PCDHGA9: variants seen among roughly 807,000 people sequenced by gnomAD.
PCDHGA9 encodes the protein protocadherin gamma subfamily A, 9, also known as protocadherin gamma-A9.
Under a neutral mutation model 62.5 loss-of-function variants are expected in PCDHGA9, and 37 were observed. The ratio of observed to expected loss-of-function variants is 0.59; its 90% CI spans 0.46 to 0.78. PCDHGA9 has a LOEUF of 0.78. PCDHGA9 is among the 30% of genes least tolerant of loss of function. The pLI is 0.00. For synonymous variants in PCDHGA9, 459 were observed against 484.6 expected (o/e 0.95, Z 0.69); for missense variants, 1,138 against 1,166.2 (o/e 0.98, Z 0.35).
chr5:141,405,091 C>G lies in PCDHGA9; in HGVS notation c.2139C>G (p.Ala713=), dbSNP rs761186505. ...TCACCTTCGTTATCACGCTGCTGGC[C>G]CTCAGGCTGAGGCACTGGCACTCCT... ...VFLTFVITLL[A]LRLRHWHSSH... Residue 713 remains alanine (A), a synonymous_variant, in exon 1 of 4, where the codon GCC becomes GCG. Transcript: ENST00000573521. 13 of 1,613,814 alleles carry G rather than the reference C, an allele frequency of 8.1e-6. No individual in the cohort carries two copies. The highest frequency in any genetic ancestry group is 1.1e-5 in the Non-Finnish European group (13 of 1,179,826).
rs1285420674 is a variant in PCDHGA9 at position 141,409,726 on chromosome 5, C to G, written c.2424+4350C>G. The G allele has an allele frequency of 1.9e-6, 3 of 1,612,982 alleles. No homozygotes were observed. The Admixed American group carries it at 5.0e-5, about 27-fold the overall frequency. On this transcript the variant is annotated intron_variant, in intron 1 of 3. Transcript: ENST00000573521. ...CGGTGTCGTCATACGTGTCAGTGAG[C>G]GCGCAGAGCGGGGTGGTGTTCGCGC...
At chr5:141,510,910 A>T (rs780792326) in intron 3 of PCDHGA9, 37 bp from the exon 4 acceptor site, 1 of 1,613,740 alleles carries the variant, frequency 6.2e-7, no homozygotes, top group East Asian at 2.2e-5. Flanking sequence ...GAGGACCCTA[A>T]GTTTAGCTCC....
chr5:141,405,698 G>C (rs1274236930), intron 1 of PCDHGA9, among the ~76,000 whole-genome samples: 1 of 152,128 alleles, frequency 6.6e-6, no homozygotes, highest in Non-Finnish European at 1.5e-5. Flanking sequence ...GGCTGGTCTT[G>C]AATTCCTAAC....
chr5:141,476,459 C>T lies in PCDHGA9; in HGVS notation c.2425-18348C>T. On this transcript the variant is annotated intron_variant, in intron 1 of 3. Coordinates refer to ENST00000573521, the MANE Select transcript of PCDHGA9 (RefSeq NM_018921.3). The surrounding 1 kb of genome is among the most constrained non-coding windows in gnomAD (Gnocchi z 7.6). ...AACTCTGGAGTTGGTAGTGGAGAACCCGCTGGAGCTGTTCAGCGTGGAAGT... is the reference window on the plus strand; with the variant it reads ...AACTCTGGAGTTGGTAGTGGAGAACTCGCTGGAGCTGTTCAGCGTGGAAGT... 6.2e-7 allele frequency: 1 copy of T among 1,614,048 alleles called. No individual in the cohort carries two copies. Among genetic ancestry groups the T allele is most frequent in the Non-Finnish European group, 8.5e-7 (1 of 1,180,006 alleles).
chr5:141,406,662 AT>A (rs2094837131), intron 1 of PCDHGA9, among the ~76,000 whole-genome samples: 1 of 152,208 alleles, frequency 6.6e-6, no homozygotes, highest in African/African-American at 2.4e-5. Flanking sequence ...TTAATGTTAA[AT>A]TATGGAGAAT....
chr5:141,478,376 C>T, intron 1 of PCDHGA9: 4 of 1,613,672 alleles, frequency 2.5e-6, no homozygotes, highest in Non-Finnish European at 3.4e-6. Flanking sequence ...CCTGATGTCG[C>T]CGCACCTTTA....
chr5:141,418,006 C>T, intron 1 of PCDHGA9: 7 of 1,613,896 alleles, frequency 4.3e-6, no homozygotes, highest in Non-Finnish European at 5.9e-6. Flanking sequence ...TGGTGGGGAA[C>T]CTCGCTAAGG....
At chr5:141,428,754 T>C (rs932377392) in intron 1 of PCDHGA9, 7 of 154,708 alleles carry the variant, frequency 4.5e-5, no homozygotes, top group African/African-American at 1.4e-4. Context: ...TTGCTTCAGG[T>C]TTGTTTGCCC....
intron 1 of PCDHGA9, among the ~76,000 whole-genome samples, chr5:141,456,621 G>T (rs6885794): frequency 0.55 from 83,339 of 152,038 alleles, 25,195 homozygotes; most frequent in African/African-American, 0.82. Context: ...CTGTAGATTT[G>T]CCTCTTCTTT....
chr5:141,422,913 G>T, intron 1 of PCDHGA9: 1 of 1,614,248 alleles, frequency 6.2e-7, no homozygotes, highest in Non-Finnish European at 8.5e-7. Context: ...ATGCGCCCGA[G>T]ATCCTGTACC....
chr5:141,505,523 G>A, intron 3 of PCDHGA9, 42 bp downstream of exon 3: 1 of 1,612,760 alleles, frequency 6.2e-7, no homozygotes, highest in Middle Eastern at 1.7e-4. Flanking sequence ...GGGAGACCTG[G>A]GGTTCTGGGG....
intron 1 of PCDHGA9, among the ~76,000 whole-genome samples, chr5:141,451,571 A>G (rs2098719323): frequency 6.6e-6 from 1 of 152,188 alleles, no homozygotes; most frequent in Non-Finnish European, 1.5e-5. Context: ...CAATCTTTTT[A>G]TAAACCTAAT....
In PCDHGA9 at chr5:141,494,634, T is replaced by C. The variant is rs917243803; in HGVS notation, c.2425-173T>C. The C allele has an allele frequency of 1.1e-5, 10 of 889,216 alleles. No individual in the cohort carries two copies. In the African/African-American group the frequency reaches 1.8e-4, roughly 16 times the overall value. 55.1% of individuals were successfully genotyped at this position (889,216 alleles called of 1,614,324 possible). A position where few individuals can be genotyped will look rare whatever the true frequency, so the allele number is the denominator to read the frequency against. On this transcript the variant is annotated intron_variant, in intron 1 of 3. Coordinates refer to ENST00000573521, the MANE Select transcript of PCDHGA9 (RefSeq NM_018921.3). ...CTTGGTTTCTGGTACCTCAGACCTC[T>C]GAGACCTGAGGTGTATTTTGTCTTT...
intron 1 of PCDHGA9, among the ~76,000 whole-genome samples, chr5:141,452,350 A>G (rs1355934993): frequency 6.6e-6 from 1 of 152,212 alleles, no homozygotes; most frequent in Admixed American, 6.5e-5. Context: ...CCATTTATCC[A>G]AAAGCCTTGC....
rs373421472 is a variant in PCDHGA9, at chr5:141,472,201, A to G, written c.2425-22606A>G. ...GTATTGGAATTTGAATCTTTTTGAC[A>G]CTAAGACCTTACTCTCGATCATATA... is the stretch of plus-strand genomic sequence containing the variant. On this transcript the variant is annotated intron_variant, in intron 1 of 3. Coordinates refer to ENST00000573521, the MANE Select transcript of PCDHGA9 (RefSeq NM_018921.3). Among the ~76,000 whole-genome samples the G allele has an allele frequency of 5.6e-4, 86 of 152,320 alleles. 2 individuals are homozygous for G. The South Asian group carries it at 0.017, about 30-fold the overall frequency.
chr5:141,431,884 T>A lies in PCDHGA9; in HGVS notation c.2424+26508T>A. ...CCCTTTTAAATGTAAATGACCAAGA[T>A]TCTGAGGAAAACGGACAGGTGATCT... On this transcript the variant is annotated intron_variant, in intron 1 of 3. Transcript: ENST00000573521. This position sits in a 1 kb window ranked among gnomAD's most constrained non-coding sequence, Gnocchi z 4.8. 1.2e-6 allele frequency: 2 copies of A among 1,614,218 alleles called. No individual in the cohort carries two copies. Among genetic ancestry groups the A allele is most frequent in the Non-Finnish European group, 1.7e-6 (2 of 1,180,008 alleles).
Position 141,511,375 on chromosome 5 carries a change from A to G in PCDHGA9, c.*202A>G. 2 of 1,236,730 alleles carry G rather than the reference A, an allele frequency of 1.6e-6. No individual in the cohort carries two copies. The highest frequency in any genetic ancestry group is 2.2e-6 in the Non-Finnish European group (2 of 912,840). 76.6% of individuals were successfully genotyped at this position (1,236,730 alleles called of 1,614,324 possible). A position where few individuals can be genotyped will look rare whatever the true frequency, so the allele number is the denominator to read the frequency against. On this transcript the variant is annotated 3_prime_UTR_variant, in exon 4 of 4. Coordinates refer to ENST00000573521, the MANE Select transcript of PCDHGA9 (RefSeq NM_018921.3). ...CCCAGGGGGTTGAATATGCAAAAGCAGTTCCGCTGGGAACCCCCATCCAAT... is the reference window on the plus strand; with the variant it reads ...CCCAGGGGGTTGAATATGCAAAAGCGGTTCCGCTGGGAACCCCCATCCAAT...
chr5:141,406,288 G>A (rs72790038), intron 1 of PCDHGA9, among the ~76,000 whole-genome samples: 9,719 of 151,928 alleles, frequency 0.064, 366 homozygotes, highest in African/African-American at 0.1. Context: ...CCAAAGCACT[G>A]GGTGAGGTGT....
intron 3 of PCDHGA9, among the ~76,000 whole-genome samples, chr5:141,509,539 A>G (rs749824780): frequency 1.3e-5 from 2 of 152,160 alleles, no homozygotes; most frequent in East Asian, 1.9e-4. Context: ...ATGAAGCACC[A>G]TCTCATTTAG....
Sources: gnomAD v4.1 joint callset for allele counts (sites outside exome capture counted in the v4.1 genomes callset) on GRCh38, gnomAD v4.1.1 for gene constraint, Gnocchi (gnomAD v3.1) non-coding constraint, MANE v1.5 for transcripts, NCBI Gene and HGNC (gene_info 2026-07-23, HGNC 2026-07-21) for gene names.